The following OGFOD2 variants were observed in gnomAD, a reference collection of about 807,000 sequenced individuals.
OGFOD2 encodes the protein 2-oxoglutarate and iron-dependent oxygenase domain-containing protein 2.
A neutral mutation model predicts 31.1 loss-of-function variants in OGFOD2; 34 were observed. The ratio of observed to expected loss-of-function variants is 1.09; its 90% CI spans 0.83 to 1.45. The LOEUF is 1.45. Ranked by LOEUF, OGFOD2 falls within the 40% of genes most tolerant of loss-of-function variation. OGFOD2 has a pLI of 0.00. For missense variants in OGFOD2, 537 were observed against 433.9 expected, an observed-to-expected ratio of 1.24 and a Z score of -2.11; for synonymous variants, 240 against 192.3, an observed-to-expected ratio of 1.25 and a Z score of -2.05.
At chr12:122,979,410 CA>C in exon 7 of OGFOD2, 12 of 1,516,544 alleles carry the variant, frequency 7.9e-6, no homozygotes, top group Admixed American at 4.1e-5. Context: ...GGTCTGGGGG[CA>C]GAAATAAAAT....
At chr12:122,975,075 C>T, upstream of OGFOD2, 2 of 483,490 alleles carry the variant, frequency 4.1e-6, no homozygotes, top group Non-Finnish European at 7.5e-6. Flanking sequence ...CCGCCGGTCC[C>T]AACCCGGCCC....
chr12:122,979,150 G>A (rs757986086), exon 7 of OGFOD2: 2 of 1,609,402 alleles, frequency 1.2e-6, no homozygotes, highest in East Asian at 4.5e-5. Context: ...CTCCACCGTG[G>A]CGGCCAGCTG....
exon 7 of OGFOD2, chr12:122,979,247 C>T (rs760884453): frequency 7.4e-6 from 12 of 1,612,936 alleles, no homozygotes; most frequent in Admixed American, 3.3e-5. Context: ...GCCTCTGTCC[C>T]ATGTGCTGCC....
At chr12:122,977,096 A>G in intron 4 of OGFOD2, 126 bp downstream of exon 4, 1 of 870,402 alleles carries the variant, frequency 1.1e-6, no homozygotes, top group East Asian at 2.6e-5. Context: ...AGGAGCTGGA[A>G]GGGTCAGTGG....
Position 122,978,951 on chromosome 12 carries a change from A to G in OGFOD2, c.730A>G (p.Asn244Asp). The G allele has an allele frequency of 6.2e-7, 1 of 1,613,264 alleles. No individual in the cohort carries two copies. Among genetic ancestry groups the G allele is most frequent in the Non-Finnish European group, 8.5e-7 (1 of 1,179,962 alleles). The stretch of plus-strand genomic sequence containing the variant: ...CTATGATAATGCCGAGCTCACCCTC[A>G]ATGTGGCCTTGGGCAAGGTCTTCAC... The change falls in exon 6 of 7, where the codon AAT becomes GAT. Residue 244 changes from asparagine (N) to aspartate (D), a missense_variant. Physicochemically the swap from Asn to Asp is conservative, Grantham distance 23. Coordinates refer to ENST00000228922, the Ensembl canonical transcript of OGFOD2.
chr12:122,978,342 C>T (rs2037493982), intron 4 of OGFOD2, 100 bp from the exon 5 acceptor site: 1 of 1,466,824 alleles, frequency 6.8e-7, no homozygotes. Flanking sequence ...AAGCAAAGGC[C>T]TCATCTCCAT....
In OGFOD2 at chr12:122,978,752, G is replaced by C. The variant is rs1309527948; in HGVS notation, c.532-1G>C. On this transcript the variant is annotated splice_acceptor_variant, in intron 5 of 6. Transcript: ENST00000228922. LOFTEE classifies it high-confidence loss of function. ...TGCTGACCCCAGGAATCCCCTCCCA[G>C]GTGCTGCTGCACGAGCTCGGGCTGG... 4 of 1,607,032 alleles carry C rather than the reference G, an allele frequency of 2.5e-6. No homozygotes were observed. Among genetic ancestry groups the C allele is most frequent in the Admixed American group, 3.3e-5 (2 of 59,872 alleles).
At chr12:122,975,405 T>C (rs2037385996) in intron 1 of OGFOD2, 22 bp downstream of exon 1, 2 of 689,144 alleles carry the variant, frequency 2.9e-6, no homozygotes, top group African/African-American at 1.8e-5. Flanking sequence ...CTGTCGTCCC[T>C]ACGGAGCAGT....
At chr12:122,978,541 G>C (rs2037500763) in exon 5 of OGFOD2, 1 of 1,613,266 alleles carries the variant, frequency 6.2e-7, no homozygotes, top group African/African-American at 1.3e-5. Flanking sequence ...ATGCCTAAGG[G>C]GAGGCCCAAC....
exon 7 of OGFOD2, chr12:122,979,163 T>G: frequency 6.2e-7 from 1 of 1,610,740 alleles, no homozygotes; most frequent in Non-Finnish European, 8.5e-7. Flanking sequence ...GCCAGCTGCA[T>G]GGAGCCCGGC....
exon 7 of OGFOD2, chr12:122,979,520 G>C: frequency 1.2e-6 from 1 of 818,018 alleles, no homozygotes; most frequent in Non-Finnish European, 1.9e-6. Context: ...TCAGAAGCAG[G>C]GTCTGGAATG....
intron 4 of OGFOD2, 72 bp from the exon 5 acceptor site, chr12:122,978,370 A>G (rs754751343): frequency 2.7e-5 from 42 of 1,583,910 alleles, no homozygotes; most frequent in Non-Finnish European, 3.6e-5. Context: ...GTGATGAAAC[A>G]GGAAGACTGA....
At chr12:122,979,227 G>T (rs750254321) in exon 7 of OGFOD2, 1 of 1,612,592 alleles carries the variant, frequency 6.2e-7, no homozygotes, top group African/African-American at 1.3e-5. Context: ...AGCCTCTGCT[G>T]TGCGCAACAG....
exon 7 of OGFOD2, chr12:122,979,854 T>G (rs979928923): frequency 7.5e-5 from 17 of 226,642 alleles, no homozygotes; most frequent in African/African-American, 3.6e-4. Flanking sequence ...ATCTTCTAGA[T>G]GGCAGAGGGG....
chr12:122,978,464 G>C, exon 5 of OGFOD2: 1 of 1,613,474 alleles, frequency 6.2e-7, no homozygotes, highest in Non-Finnish European at 8.5e-7. Context: ...TCTACCGGGT[G>C]CCTGTTTTCA....
chr12:122,975,077 A>G (rs1033972570), upstream of OGFOD2: 81 of 484,866 alleles, frequency 1.7e-4, no homozygotes, highest in East Asian at 2.5e-4. Context: ...GCCGGTCCCA[A>G]CCCGGCCCAG....
chr12:122,979,728 C>T (rs185662215), exon 7 of OGFOD2: 25 of 244,822 alleles, frequency 1.0e-4, no homozygotes, highest in African/African-American at 5.1e-4. Flanking sequence ...TTCCCAGACA[C>T]TTATCTCCAG....
chr12:122,978,556 T>C (rs1250846869), exon 5 of OGFOD2: 1 of 1,612,482 alleles, frequency 6.2e-7, no homozygotes, highest in East Asian at 2.2e-5. Context: ...CCCAACACCA[T>C]GAACAACTAC....
intron 1 of OGFOD2, 104 bp downstream of exon 1, chr12:122,975,487 A>G: frequency 1.7e-6 from 1 of 596,118 alleles, no homozygotes; most frequent in Non-Finnish European, 3.0e-6. Context: ...CGCGCACCGT[A>G]TCTTCAAATA....
Sources: allele counts gnomAD v4.1 joint callset, GRCh38; gene constraint gnomAD v4.1.1; transcripts MANE v1.5; gene names NCBI Gene and HGNC (gene_info 2026-07-23, HGNC 2026-07-21).